ANKRD42: variants seen among roughly 807,000 people sequenced by gnomAD.
ANKRD42 encodes ankyrin repeat domain 42, also known as ankyrin repeat domain-containing protein 42.
A neutral mutation model predicts 51.5 loss-of-function variants in ANKRD42; 43 were observed. That is an observed-to-expected ratio of 0.83 (90% CI 0.65 to 1.08). ANKRD42 has a LOEUF of 1.08. Ranked by LOEUF, ANKRD42 falls within the 50% of genes least tolerant of loss-of-function variation. ANKRD42 has a pLI of 0.00. For missense variants in ANKRD42, 608 were observed against 629.3 expected (o/e 0.97, Z 0.36); for synonymous variants, 203 against 213.0 (o/e 0.95, Z 0.41).
intron 2 of ANKRD42, among the ~76,000 whole-genome samples, chr11:83,200,566 A>T (rs1271289390): frequency 6.6e-6 from 1 of 152,202 alleles, no homozygotes; most frequent in Admixed American, 6.5e-5. Context: ...ATTTGTCTAG[A>T]TGAAGGTGCA....
At chr11:83,206,212 T>G in intron 3 of ANKRD42, 47 bp downstream of exon 3, 1 of 1,405,820 alleles carries the variant, frequency 7.1e-7, no homozygotes, top group Non-Finnish European at 1.0e-6. Context: ...TTAACATAGT[T>G]CTGTTGGGAT....
At chr11:83,226,475 A>T (rs1452237668) in intron 6 of ANKRD42, among the ~76,000 whole-genome samples, 4 of 152,218 alleles carry the variant, frequency 2.6e-5, no homozygotes, top group Non-Finnish European at 5.9e-5. Context: ...AAATGTAGCT[A>T]TTCTCATTTT....
downstream of ANKRD42, among the ~76,000 whole-genome samples, chr11:83,263,799 A>G (rs781341348): frequency 6.6e-6 from 1 of 152,198 alleles, no homozygotes; most frequent in Non-Finnish European, 1.5e-5. Flanking sequence ...TGAGGCACAC[A>G]GTCACAGATT....
At chr11:83,257,354 T>C (rs1445693430), downstream of ANKRD42, 7 of 453,522 alleles carry the variant, frequency 1.5e-5, no homozygotes, top group South Asian at 1.1e-4. Context: ...AGAGTCATAA[T>C]TCTTTGCTAG....
At chr11:83,198,293 T>C (rs895155268) in intron 1 of ANKRD42, among the ~76,000 whole-genome samples, 186 bp from the exon 2 acceptor site, 5 of 152,240 alleles carry the variant, frequency 3.3e-5, no homozygotes, top group Non-Finnish European at 5.9e-5. Context: ...GAGTGTCAAC[T>C]TCCATGCTTT....
At chr11:83,239,906 G>A (rs913249882) in intron 8 of ANKRD42, among the ~76,000 whole-genome samples, 3 of 152,186 alleles carry the variant, frequency 2.0e-5, no homozygotes, top group African/African-American at 7.2e-5. Flanking sequence ...CTCAGTAAAT[G>A]ACAGCTGTTA....
intron 11 of ANKRD42, among the ~76,000 whole-genome samples, chr11:83,254,678 C>T (rs59934891): frequency 0.043 from 6,473 of 152,226 alleles, 192 homozygotes; most frequent in South Asian, 0.15. Context: ...GCCTTGGCCT[C>T]CCAAAGTGCT....
At chr11:83,254,435 CTTTT>C (rs1296141872) in intron 11 of ANKRD42, among the ~76,000 whole-genome samples, 1 of 136,298 alleles carries the variant, frequency 7.3e-6, no homozygotes. Context: ...TTTTTCTTTT[CTTTT>C]TTTTTTTTTT....
At chr11:83,217,475 C>T (rs1488883242) in intron 5 of ANKRD42, among the ~76,000 whole-genome samples, 2 of 152,174 alleles carry the variant, frequency 1.3e-5, no homozygotes, top group Non-Finnish European at 2.9e-5. Context: ...TAAGATTCGT[C>T]GGATAGTAAC....
intron 7 of ANKRD42, among the ~76,000 whole-genome samples, chr11:83,228,211 G>T: frequency 8.1e-6 from 1 of 123,064 alleles, no homozygotes; most frequent in African/African-American, 3.0e-5. Context: ...TACTAAAATA[G>T]AAATCATCCC....
At chr11:83,211,633 CA>C (rs796348054) in intron 5 of ANKRD42, among the ~76,000 whole-genome samples, 1,277 of 107,460 alleles carry the variant, frequency 0.012, 9 homozygotes, top group Admixed American at 0.034. Flanking sequence ...CCACTCTCTA[CA>C]AAAAAAAAAA....
intron 2 of ANKRD42, among the ~76,000 whole-genome samples, chr11:83,202,863 T>G (rs1191654432): frequency 6.6e-6 from 1 of 152,210 alleles, no homozygotes; most frequent in African/African-American, 2.4e-5. Flanking sequence ...TGGCATATTA[T>G]AGGAGTCACA....
intron 5 of ANKRD42, among the ~76,000 whole-genome samples, chr11:83,218,833 C>T (rs150638048): frequency 0.033 from 5,043 of 152,158 alleles, 254 homozygotes; most frequent in African/African-American, 0.1. Context: ...AGTATTGTCA[C>T]GAAGGGCAAA....
chr11:83,212,438 T>C (rs570946372), intron 5 of ANKRD42, among the ~76,000 whole-genome samples: 63 of 152,280 alleles, frequency 4.1e-4, no homozygotes, highest in African/African-American at 1.5e-3. Context: ...TTAATTTGGG[T>C]TAATTTGCTA....
downstream of ANKRD42, chr11:83,260,237 A>C (rs1863867146): frequency 6.6e-6 from 1 of 152,206 alleles, no homozygotes; most frequent in Non-Finnish European, 1.5e-5. Context: ...TCTCTCCTTA[A>C]GATTGTCAAT....
Position 83,211,330 on chromosome 11 carries a change from T to C in ANKRD42, c.486T>C (p.Pro162=), listed in dbSNP as rs1475667868. The C allele has an allele frequency of 1.2e-6, 2 of 1,614,106 alleles. No individual in the cohort carries two copies. The highest frequency in any genetic ancestry group is 1.7e-6 in the Non-Finnish European group (2 of 1,180,036). Residue 162 remains proline (P), a synonymous_variant, in exon 5 of 11, where the codon CCT becomes CCC. Transcript: ENST00000533342. ...PSVTDKREWR[P]VHYAAFHGRL... ...TGACTGATAAGAGAGAATGGAGACC[T>C]GTGCATTATGCAGCTTTTCATGGGC...
chr11:83,257,955 C>A (rs888406558), downstream of ANKRD42, among the ~76,000 whole-genome samples: 1 of 152,168 alleles, frequency 6.6e-6, no homozygotes, highest in African/African-American at 2.4e-5. Context: ...GCCTTTGCAG[C>A]CAAGAGACCA....
chr11:83,196,477 C>G (rs1861662105), intron 1 of ANKRD42, among the ~76,000 whole-genome samples: 1 of 151,894 alleles, frequency 6.6e-6, no homozygotes, highest in African/African-American at 2.4e-5. Context: ...GGCCTACTCA[C>G]TGCTCCTACT....
intron 5 of ANKRD42, among the ~76,000 whole-genome samples, chr11:83,219,970 C>G (rs1305317818): frequency 6.6e-6 from 1 of 152,184 alleles, no homozygotes; most frequent in East Asian, 1.9e-4. Context: ...GAGTCTTGAT[C>G]CTGCCTAGTG....
Sources: gnomAD v4.1 joint callset for allele counts (sites outside exome capture counted in the v4.1 genomes callset) on GRCh38, gnomAD v4.1.1 for gene constraint, MANE v1.5 for transcripts, NCBI Gene and HGNC (gene_info 2026-07-23, HGNC 2026-07-21) for gene names.